Variants in RIC8B observed in about 807,000 individuals in gnomAD.
RIC8B encodes chaperone Ric-8B.
A neutral mutation model predicts 57.5 loss-of-function variants in RIC8B; 16 were observed. The ratio of observed to expected loss-of-function variants is 0.28; its 90% confidence interval spans 0.19 to 0.42. The LOEUF is 0.42. Ranked by LOEUF, RIC8B falls within the 10% of genes least tolerant of loss-of-function variation. The pLI, the probability that RIC8B is intolerant of heterozygous loss-of-function variation, is 1.00. For missense variants in RIC8B, 481 were observed against 677.0 expected (o/e 0.71, Z 3.21); for synonymous variants, 216 against 250.8 (o/e 0.86, Z 1.31).
At chr12:106,779,746 T>C (rs1300769811) in intron 1 of RIC8B, among the ~76,000 whole-genome samples, 2 of 151,472 alleles carry the variant, frequency 1.3e-5, no homozygotes, top group African/African-American at 4.8e-5. Flanking sequence ...TACAGAATCC[T>C]TTGGCTACTG....
At chr12:106,844,027 A>T in intron 6 of RIC8B, 80 bp downstream of exon 6, 1 of 996,838 alleles carries the variant, frequency 1.0e-6, no homozygotes, top group Non-Finnish European at 1.6e-6. Context: ...GAATTTTCTC[A>T]CAATGATTTT....
In RIC8B at chr12:106,870,952, TC is replaced by T; in HGVS notation, c.1571+13del. 1 of 1,545,214 alleles carries T rather than the reference TC, an allele frequency of 6.5e-7. No homozygotes were observed. The highest frequency in any genetic ancestry group is 1.2e-5 in the South Asian group (1 of 82,938). On this transcript the variant is annotated intron_variant, in intron 9 of 9. Transcript: ENST00000392837. ...TTGATAAACTTTCCAGGTATTGTAT[TC>T]CCATCCATTTTTTGCTTGGTTTCTA...
chr12:106,795,795 C>T (rs779364249), intron 2 of RIC8B, among the ~76,000 whole-genome samples: 10 of 152,116 alleles, frequency 6.6e-5, no homozygotes, highest in Non-Finnish European at 1.3e-4. Context: ...CGAGGACTTC[C>T]GTACCCTCAC....
chr12:106,880,080 T>C (rs1303253182), intron 9 of RIC8B: 1 of 417,692 alleles, frequency 2.4e-6, no homozygotes, highest in Non-Finnish European at 3.2e-6. Flanking sequence ...ACCTTCATAA[T>C]TTAGGATCAG....
In RIC8B at chr12:106,851,211, T is replaced by TG. The variant is rs1321487448; in HGVS notation, c.1162-238dup. ...CTCGGAAATTCTCTTGAGGATAGTG[T>TG]GATGATACAGTGAAGAGATGTTTCT... is the stretch of plus-strand genomic sequence containing the variant. On this transcript the variant is annotated intron_variant, in intron 6 of 9. Transcript: ENST00000392837. 2.6e-5 allele frequency among the ~76,000 whole-genome samples: 4 copies of TG among 151,900 alleles called. No homozygotes were observed. In the East Asian group the frequency reaches 7.7e-4, roughly 29 times the overall value.
intron 4 of RIC8B, among the ~76,000 whole-genome samples, chr12:106,829,481 TG>T (rs1408433132): frequency 6.6e-6 from 1 of 152,238 alleles, no homozygotes; most frequent in African/African-American, 2.4e-5. Flanking sequence ...TAAAGCTTTT[TG>T]TTACTGTTTC....
intron 4 of RIC8B, among the ~76,000 whole-genome samples, chr12:106,840,703 T>G (rs1308760851): frequency 6.6e-6 from 1 of 152,204 alleles, no homozygotes; most frequent in Non-Finnish European, 1.5e-5. Flanking sequence ...TCCAAATATT[T>G]GTTGAATCAA....
At chr12:106,818,148 A>C (rs900005515) in intron 3 of RIC8B, among the ~76,000 whole-genome samples, 1 of 152,124 alleles carries the variant, frequency 6.6e-6, no homozygotes, top group African/African-American at 2.4e-5. Context: ...CTGTAAACTC[A>C]CCACTCAAAA....
At chr12:106,793,779 T>A (rs1203528861) in intron 2 of RIC8B, among the ~76,000 whole-genome samples, 2 of 152,174 alleles carry the variant, frequency 1.3e-5, no homozygotes, top group African/African-American at 4.8e-5. Flanking sequence ...GCTTCACACT[T>A]TGAGGAAGCA....
intron 2 of RIC8B, among the ~76,000 whole-genome samples, chr12:106,813,943 GA>G (rs2045455126): frequency 1.3e-5 from 2 of 152,150 alleles, no homozygotes; most frequent in African/African-American, 4.8e-5. Flanking sequence ...TCCTTTTTAG[GA>G]AATATAAGAT....
At position 106,799,601 on chromosome 12, in the gene RIC8B, T is replaced by C. The variant is rs558091329; in HGVS notation, c.133-15095T>C. On this transcript the variant is annotated intron_variant, in intron 2 of 9. Coordinates refer to ENST00000392837, the MANE Select transcript of RIC8B (RefSeq NM_001330145.2). The stretch of plus-strand genomic sequence containing the variant: ...AATAGGGTCTTTCATATGCTGTCTA[T>C]GTAAATAATTACCATAAGCATGTGA... Among the ~76,000 whole-genome samples the C allele has an allele frequency of 1.0e-3, 152 of 152,318 alleles. 1 individual carries two copies. The highest frequency in any genetic ancestry group is 8.8e-5 in the Non-Finnish European group (6 of 68,028).
chr12:106,883,749 T>C (rs1951061603), intron 9 of RIC8B, among the ~76,000 whole-genome samples: 1 of 151,828 alleles, frequency 6.6e-6, no homozygotes, highest in African/African-American at 2.4e-5. Context: ...TGCCACCAAT[T>C]CCAATGTGTC....
At chr12:106,791,202 A>G (rs2044246174) in intron 2 of RIC8B, among the ~76,000 whole-genome samples, 1 of 152,206 alleles carries the variant, frequency 6.6e-6, no homozygotes, top group Non-Finnish European at 1.5e-5. Context: ...CAGCCACGTA[A>G]AACTGATAAA....
chr12:106,824,087 C>T (rs142935727), intron 3 of RIC8B, among the ~76,000 whole-genome samples: 1 of 152,268 alleles, frequency 6.6e-6, no homozygotes, highest in Non-Finnish European at 1.5e-5. Context: ...TCCAGTAGTC[C>T]TCTTTGTTTT....
intron 9 of RIC8B, among the ~76,000 whole-genome samples, chr12:106,884,093 G>A (rs1951074219): frequency 6.6e-6 from 1 of 152,212 alleles, no homozygotes; most frequent in Non-Finnish European, 1.5e-5. Flanking sequence ...GTGCCCATCT[G>A]CCTAGTGCAG....
chr12:106,783,149 C>T (rs754076080), intron 1 of RIC8B, among the ~76,000 whole-genome samples: 1 of 152,142 alleles, frequency 6.6e-6, no homozygotes, highest in Non-Finnish European at 1.5e-5. Flanking sequence ...CACTCTCTGC[C>T]TTTCCAGTTA....
chr12:106,818,610 G>T (rs746192471), intron 3 of RIC8B, among the ~76,000 whole-genome samples: 2 of 152,056 alleles, frequency 1.3e-5, no homozygotes, highest in Admixed American at 6.6e-5. Flanking sequence ...ACCACACTCG[G>T]CTAATTGTTT....
chr12:106,821,133 A>T (rs940383383), intron 3 of RIC8B, among the ~76,000 whole-genome samples: 2 of 152,222 alleles, frequency 1.3e-5, no homozygotes, highest in Non-Finnish European at 2.9e-5. Context: ...CATCTTTGTG[A>T]GACAGGAGCA....
intron 7 of RIC8B, among the ~76,000 whole-genome samples, chr12:106,855,700 A>C (rs1949689866): frequency 6.6e-6 from 1 of 152,042 alleles, no homozygotes; most frequent in Non-Finnish European, 1.5e-5. Flanking sequence ...CCTTGTCCAC[A>C]TTTAATTGCT....
Sources: gnomAD v4.1 joint callset for allele counts (sites outside exome capture counted in the v4.1 genomes callset) on GRCh38, gnomAD v4.1.1 for gene constraint, MANE v1.5 for transcripts, NCBI Gene and HGNC (gene_info 2026-07-23, HGNC 2026-07-21) for gene names.